Variants in LRRC4C observed in about 807,000 individuals in gnomAD.
LRRC4C encodes leucine rich repeat containing 4C.
Under a neutral mutation model 33.6 loss-of-function variants are expected in LRRC4C, and 5 were observed. The observed-to-expected ratio is 0.15, with a 90% CI of 0.08 to 0.31. The LOEUF (loss-of-function observed/expected upper bound fraction) is 0.31. Among genes scored for constraint, LRRC4C ranks in the 10% least tolerant of loss-of-function variants. The probability of loss-of-function intolerance (pLI) is 1.00; values close to 1 mark genes in which losing one functional copy is unlikely to be tolerated. For missense variants in LRRC4C, 560 were observed against 796.7 expected, an observed-to-expected ratio of 0.70 and a Z score of 3.58; for synonymous variants, 329 against 302.0, an observed-to-expected ratio of 1.09 and a Z score of -0.93.
intron 5 of LRRC4C, among the ~76,000 whole-genome samples, chr11:40,181,898 C>G (rs778838447): frequency 5.3e-5 from 8 of 152,162 alleles, no homozygotes; most frequent in Non-Finnish European, 8.8e-5. Context: ...GGGTGGCCTC[C>G]TATGGCCAAT....
intron 1 of LRRC4C, among the ~76,000 whole-genome samples, chr11:41,456,711 A>G (rs1168858048): frequency 6.6e-6 from 1 of 152,116 alleles, no homozygotes; most frequent in African/African-American, 2.4e-5. Flanking sequence ...TGAAATGGAA[A>G]GCTCCCTACC....
chr11:40,800,467 C>T (rs1183846276), intron 2 of LRRC4C, among the ~76,000 whole-genome samples: 1 of 152,180 alleles, frequency 6.6e-6, no homozygotes, highest in Non-Finnish European at 1.5e-5. Flanking sequence ...CTAAGTCATT[C>T]GCCCTTTTCC....
intron 1 of LRRC4C, among the ~76,000 whole-genome samples, chr11:41,087,972 C>T (rs556794925): frequency 3.3e-5 from 5 of 152,164 alleles, no homozygotes; most frequent in South Asian, 4.1e-4. Flanking sequence ...TTTATTAGAG[C>T]GCTAAGTTAA....
At chr11:41,202,505 T>A (rs1278377738) in intron 1 of LRRC4C, among the ~76,000 whole-genome samples, 1 of 152,186 alleles carries the variant, frequency 6.6e-6, no homozygotes, top group Non-Finnish European at 1.5e-5. Flanking sequence ...TCACTTTACA[T>A]ACATTATCTT....
At chr11:40,795,422 C>A (rs930491544) in intron 2 of LRRC4C, among the ~76,000 whole-genome samples, 4 of 151,896 alleles carry the variant, frequency 2.6e-5, no homozygotes, top group Non-Finnish European at 5.9e-5. Context: ...CCCAGCTACT[C>A]GGGAGACTGA....
In LRRC4C at chr11:41,165,141, A is replaced by C. The variant is rs748548021; in HGVS notation, c.-495-231418T>G. ...ATAGCGCGGGTTCCCAGAGCCTGGG[A>C]CCTTCGCAGCCTCCACAATCGCGAT... On this transcript the variant is annotated intron_variant, in intron 1 of 6. Transcript: ENST00000528697. Among the ~76,000 whole-genome samples the C allele has an allele frequency of 3.2e-4, 49 of 151,990 alleles. 1 individual carries two copies. Among genetic ancestry groups the C allele is most frequent in the Non-Finnish European group, 2.2e-4 (15 of 67,992 alleles).
chr11:40,925,100 C>T (rs560067616), intron 2 of LRRC4C, among the ~76,000 whole-genome samples: 4 of 151,298 alleles, frequency 2.6e-5, no homozygotes, highest in South Asian at 2.1e-4. Context: ...TAGTGACCAG[C>T]GGGAGGAGCC....
chr11:40,165,515 AAAAC>A (rs1228276105), intron 5 of LRRC4C, among the ~76,000 whole-genome samples: 2 of 152,218 alleles, frequency 1.3e-5, no homozygotes, highest in East Asian at 3.9e-4. Context: ...ACAATACAGA[AAAAC>A]AACGACAAAA....
intron 2 of LRRC4C, among the ~76,000 whole-genome samples, chr11:40,661,831 T>C (rs139724730): frequency 6.6e-6 from 1 of 152,206 alleles, no homozygotes; most frequent in African/African-American, 2.4e-5. Flanking sequence ...TTATAGTCTA[T>C]GTGTCAACTC....
chr11:41,127,690 G>A (rs763724074), intron 1 of LRRC4C, among the ~76,000 whole-genome samples: 3 of 151,606 alleles, frequency 2.0e-5, no homozygotes, highest in Non-Finnish European at 4.4e-5. Context: ...GTTATTGTGG[G>A]GCCAGAGTGT....
chr11:40,943,992 C>T (rs985153348), intron 1 of LRRC4C, among the ~76,000 whole-genome samples: 1 of 152,126 alleles, frequency 6.6e-6, no homozygotes, highest in Non-Finnish European at 1.5e-5. Context: ...GCTTTAGTTT[C>T]CTTAATTGGA....
At chr11:40,809,371 G>T (rs1951386984) in intron 2 of LRRC4C, among the ~76,000 whole-genome samples, 1 of 152,044 alleles carries the variant, frequency 6.6e-6, no homozygotes, top group Admixed American at 6.6e-5. Context: ...ATTCTCCTTT[G>T]CCTGTGCCTA....
intron 2 of LRRC4C, among the ~76,000 whole-genome samples, chr11:40,830,302 T>C (rs1315345452): frequency 6.6e-6 from 1 of 152,106 alleles, no homozygotes; most frequent in East Asian, 1.9e-4. Flanking sequence ...TGTTAATACA[T>C]GAAATACAAG....
intron 3 of LRRC4C, among the ~76,000 whole-genome samples, chr11:40,384,452 T>C (rs758729872): frequency 1.1e-4 from 17 of 152,184 alleles, no homozygotes; most frequent in Non-Finnish European, 2.4e-4. Context: ...AACTCTATTA[T>C]ATAGGTGAAT....
intron 1 of LRRC4C, among the ~76,000 whole-genome samples, chr11:41,402,025 T>A (rs1045953256): frequency 1.3e-5 from 2 of 151,998 alleles, no homozygotes; most frequent in African/African-American, 4.8e-5. Context: ...AGGTACCACA[T>A]TAAAGACATA....
At chr11:40,390,884 T>C (rs938547059) in intron 3 of LRRC4C, among the ~76,000 whole-genome samples, 2 of 152,202 alleles carry the variant, frequency 1.3e-5, no homozygotes, top group South Asian at 4.1e-4. Context: ...TTTGTTTTGT[T>C]TTGTTTTTTG....
chr11:40,722,430 A>C (rs908027404), intron 2 of LRRC4C, among the ~76,000 whole-genome samples: 4 of 152,248 alleles, frequency 2.6e-5, no homozygotes, highest in Middle Eastern at 6.8e-3. Context: ...AGAAAACTAC[A>C]CTGCTTCAAA....
At chr11:40,565,790 C>A (rs1346564476) in intron 3 of LRRC4C, among the ~76,000 whole-genome samples, 1 of 152,020 alleles carries the variant, frequency 6.6e-6, no homozygotes, top group Non-Finnish European at 1.5e-5. Flanking sequence ...TGTCTCAAGT[C>A]TCATAAAATT....
intron 3 of LRRC4C, among the ~76,000 whole-genome samples, chr11:40,347,074 C>G (rs1296880625): frequency 1.3e-5 from 2 of 152,216 alleles, no homozygotes; most frequent in African/African-American, 4.8e-5. Context: ...CTTCTCCTCT[C>G]TTGCTATGGA....
Sources: gnomAD v4.1 joint callset for allele counts (sites outside exome capture counted in the v4.1 genomes callset) on GRCh38, gnomAD v4.1.1 for gene constraint, MANE v1.5 for transcripts, NCBI Gene and HGNC (gene_info 2026-07-23, HGNC 2026-07-21) for gene names.